NUBPL: variants seen among roughly 807,000 people sequenced by gnomAD.
The protein encoded by NUBPL is NUBP iron-sulfur cluster assembly factor, mitochondrial.
Under a neutral mutation model 45.7 loss-of-function variants are expected in NUBPL, and 31 were observed. The observed-to-expected ratio is 0.68, with a 90% CI of 0.51 to 0.92. NUBPL has a LOEUF of 0.92. Ranked by LOEUF, NUBPL falls within the 40% of genes least tolerant of loss-of-function variation. The probability of loss-of-function intolerance (pLI) is 0.00; values close to 1 mark genes in which losing one functional copy is unlikely to be tolerated. For synonymous variants in NUBPL, 144 were observed against 140.9 expected (o/e 1.02, Z -0.15); for missense variants, 401 against 398.7 (o/e 1.01, Z -0.05).
At chr14:31,622,841 G>C (rs1157816990) in intron 4 of NUBPL, among the ~76,000 whole-genome samples, 1 of 152,242 alleles carries the variant, frequency 6.6e-6, no homozygotes, top group African/African-American at 2.4e-5. Context: ...CAATGCAGAG[G>C]GGGATATGTT....
intron 6 of NUBPL, among the ~76,000 whole-genome samples, chr14:31,779,113 G>A (rs1050589071): frequency 4.6e-5 from 7 of 152,006 alleles, no homozygotes; most frequent in African/African-American, 4.8e-5. Flanking sequence ...AGGGAGAGGC[G>A]GGTGGATTAC....
At chr14:31,805,541 T>C (rs921228177) in intron 7 of NUBPL, among the ~76,000 whole-genome samples, 2 of 152,126 alleles carry the variant, frequency 1.3e-5, no homozygotes, top group Non-Finnish European at 2.9e-5. Context: ...GTAGACTGAA[T>C]AAAGAAAATA....
chr14:31,739,505 C>A (rs1363096891), intron 6 of NUBPL, among the ~76,000 whole-genome samples: 2 of 151,920 alleles, frequency 1.3e-5, no homozygotes, highest in East Asian at 3.9e-4. Flanking sequence ...TTTTAATAGA[C>A]CTTTTAGAGC....
chr14:31,680,315 T>A (rs1354055216), intron 6 of NUBPL, among the ~76,000 whole-genome samples: 1 of 152,112 alleles, frequency 6.6e-6, no homozygotes, highest in African/African-American at 2.4e-5. Context: ...CTGATTTTGG[T>A]GGGGAAGAAC....
intron 6 of NUBPL, among the ~76,000 whole-genome samples, chr14:31,710,470 G>A (rs987796511): frequency 1.4e-4 from 22 of 152,108 alleles, no homozygotes; most frequent in Non-Finnish European, 2.8e-4. Context: ...GAGGACTAAG[G>A]AAGGTCGGAT....
intron 6 of NUBPL, among the ~76,000 whole-genome samples, chr14:31,766,138 G>A (rs1373920605): frequency 6.6e-6 from 1 of 152,174 alleles, no homozygotes; most frequent in Admixed American, 6.5e-5. Flanking sequence ...GTTTGGTTGT[G>A]TTTGTTAGAG....
intron 4 of NUBPL, among the ~76,000 whole-genome samples, chr14:31,621,132 C>G (rs993721414): frequency 2.0e-5 from 3 of 152,172 alleles, no homozygotes; most frequent in African/African-American, 7.2e-5. Flanking sequence ...TGCTCCTCCC[C>G]CTACGAAGGT....
intron 9 of NUBPL, among the ~76,000 whole-genome samples, chr14:31,847,282 A>G (rs1392897308): frequency 6.6e-6 from 1 of 152,232 alleles, no homozygotes; most frequent in Non-Finnish European, 1.5e-5. Context: ...AAAACCTCTA[A>G]AAGTGTTCGT....
chr14:31,834,196 T>TTTA (rs2040237462), intron 8 of NUBPL, among the ~76,000 whole-genome samples: 1 of 147,974 alleles, frequency 6.8e-6, no homozygotes, highest in Non-Finnish European at 1.5e-5. Context: ...TTTTTTTTTT[T>TTTA]TTTGAGACAG....
intron 7 of NUBPL, among the ~76,000 whole-genome samples, chr14:31,817,957 T>A (rs7156676): frequency 0.16 from 23,851 of 151,438 alleles, 5,409 homozygotes; most frequent in African/African-American, 0.51. Flanking sequence ...AATAAAGGGA[T>A]GGAGGAATAC....
At chr14:31,667,330 C>A (rs2139791603) in intron 4 of NUBPL, among the ~76,000 whole-genome samples, 1 of 152,016 alleles carries the variant, frequency 6.6e-6, no homozygotes, top group Non-Finnish European at 1.5e-5. Context: ...CTTTCTTCCG[C>A]TTGATCAATT....
intron 6 of NUBPL, among the ~76,000 whole-genome samples, chr14:31,761,243 A>G (rs1249223398): frequency 6.6e-6 from 1 of 152,034 alleles, no homozygotes; most frequent in Admixed American, 6.6e-5. Flanking sequence ...CAGTGGCACA[A>G]TCATAGCTCA....
intron 4 of NUBPL, among the ~76,000 whole-genome samples, chr14:31,669,795 TG>T (rs1288876557): frequency 1.3e-4 from 17 of 126,680 alleles, no homozygotes; most frequent in Middle Eastern, 7.6e-3. Context: ...GACATGATCT[TG>T]GTTTTTTTTT....
chr14:31,797,799 C>T (rs2039492460), intron 7 of NUBPL, among the ~76,000 whole-genome samples: 1 of 140,464 alleles, frequency 7.1e-6, no homozygotes, highest in South Asian at 2.4e-4. Flanking sequence ...GGTGATTTTG[C>T]TCATTAGTTG....
chr14:31,659,646 G>A (rs749188866), intron 4 of NUBPL, among the ~76,000 whole-genome samples: 18 of 152,212 alleles, frequency 1.2e-4, no homozygotes, highest in South Asian at 6.2e-4. Context: ...AATTAGCCCC[G>A]GAGTAGAAAA....
intron 6 of NUBPL, among the ~76,000 whole-genome samples, chr14:31,705,344 GGAACC>G (rs892580460): frequency 6.6e-6 from 1 of 152,236 alleles, no homozygotes; most frequent in African/African-American, 2.4e-5. Context: ...GCGTGGAAGG[GGAACC>G]GAGCGGGTCG....
chr14:31,635,470 C>G (rs944890847), intron 4 of NUBPL, among the ~76,000 whole-genome samples: 1 of 151,896 alleles, frequency 6.6e-6, no homozygotes, highest in African/African-American at 2.4e-5. Context: ...GGTACCAGTA[C>G]CATGCTGTTT....
rs139520129 is a variant in NUBPL, at chr14:31,633,254, G to A, written c.382+33875G>A. ...CAAACCACCTTCACCTCTTGCAACT[G>A]GCAGCCGAGGTGGGTTGCATGGTGC... is the stretch of plus-strand genomic sequence containing the variant. On this transcript the variant is annotated intron_variant, in intron 4 of 10. Coordinates refer to ENST00000281081, the MANE Select transcript of NUBPL (RefSeq NM_025152.3). 1.6e-3 allele frequency among the ~76,000 whole-genome samples: 237 copies of A among 152,288 alleles called. 1 individual carries two copies. The highest frequency in any genetic ancestry group is 5.0e-3 in the African/African-American group (208 of 41,554).
At chr14:31,804,140 A>G (rs956832176) in intron 7 of NUBPL, among the ~76,000 whole-genome samples, 5 of 152,214 alleles carry the variant, frequency 3.3e-5, no homozygotes, top group African/African-American at 1.2e-4. Context: ...AGGAAGGGAC[A>G]TAATTTCTGC....
Sources: allele counts gnomAD v4.1 joint callset (sites outside exome capture counted in the v4.1 genomes callset), GRCh38; gene constraint gnomAD v4.1.1; transcripts MANE v1.5; gene names NCBI Gene and HGNC (gene_info 2026-07-23, HGNC 2026-07-21).